GATD1: variants seen among roughly 807,000 people sequenced by gnomAD.
GATD1 encodes the protein glutamine amidotransferase class 1 domain containing 1.
A neutral mutation model predicts 25.9 loss-of-function variants in GATD1; 23 were observed. The observed-to-expected ratio is 0.89, with a 90% CI of 0.64 to 1.26. GATD1 has a LOEUF of 1.26. Among genes scored for constraint, GATD1 ranks in the 50% most tolerant of loss-of-function variants. The probability of loss-of-function intolerance (pLI) is 0.00; values close to 1 mark genes in which losing one functional copy is unlikely to be tolerated. For missense variants in GATD1, 347 were observed against 312.5 expected, an observed-to-expected ratio of 1.11 and a Z score of -0.83; for synonymous variants, 177 against 134.6, an observed-to-expected ratio of 1.31 and a Z score of -2.18.
In GATD1 at chr11:767,853, CTTT is replaced by C. The variant is rs534703953; in HGVS notation, c.*3041_*3043del. The stretch of plus-strand genomic sequence containing the variant: ...TAAGCCACTAGGTTTACAATATTTT[CTTT>C]TTTTTTTTTTTTGAGATGGAGTCTT... On this transcript the variant is annotated 3_prime_UTR_variant, in exon 8 of 8. Transcript: ENST00000319863. 16 of 144,428 alleles carry C rather than the reference CTTT, an allele frequency of 1.1e-4. No individual in the cohort carries two copies. Among genetic ancestry groups the C allele is most frequent in the Admixed American group, 2.8e-4 (4 of 14,368 alleles). 8.9% of individuals were successfully genotyped at this position (144,428 alleles called of 1,614,324 possible). A position where few individuals can be genotyped will look rare whatever the true frequency, so the allele number is the denominator to read the frequency against.
In GATD1 at chr11:770,715, C is replaced by T; in HGVS notation, c.*182G>A. The T allele has an allele frequency of 6.9e-7, 1 of 1,457,764 alleles. No homozygotes were observed. The highest frequency in any genetic ancestry group is 9.0e-7 in the Non-Finnish European group (1 of 1,111,208). 90.3% of individuals were successfully genotyped at this position (1,457,764 alleles called of 1,614,324 possible). A position where few individuals can be genotyped will look rare whatever the true frequency, so the allele number is the denominator to read the frequency against. On this transcript the variant is annotated 3_prime_UTR_variant, in exon 8 of 8. Coordinates refer to ENST00000319863, the MANE Select transcript of GATD1 (RefSeq NM_182612.4). ...CAGGAGGATGGGGGTTTGGACCCTC[C>T]AGGAGAGCCGACACCCCCTCAGAGC... is the stretch of plus-strand genomic sequence containing the variant.
At position 769,783 on chromosome 11, in the gene GATD1, G is replaced by A. The variant is rs1238645260; in HGVS notation, c.*1114C>T. 5.1e-6 allele frequency: 2 copies of A among 394,190 alleles called. No individual in the cohort carries two copies. Among genetic ancestry groups the A allele is most frequent in the Non-Finnish European group, 3.4e-6 (1 of 289,930 alleles). 24.4% of individuals were successfully genotyped at this position (394,190 alleles called of 1,614,324 possible). On this transcript the variant is annotated 3_prime_UTR_variant, in exon 8 of 8. Coordinates refer to ENST00000319863, the MANE Select transcript of GATD1 (RefSeq NM_182612.4). Reference sequence around the variant, plus strand: ...CACCACCATGCCAGGCTAACTTTTTGTATTTTTGTTTTTTAGTAGAGATGG... The same window carrying A: ...CACCACCATGCCAGGCTAACTTTTTATATTTTTGTTTTTTAGTAGAGATGG...
Position 770,538 on chromosome 11 carries a change from C to A in GATD1, c.*359G>T. On this transcript the variant is annotated 3_prime_UTR_variant, in exon 8 of 8. Coordinates refer to ENST00000319863, the MANE Select transcript of GATD1 (RefSeq NM_182612.4). ...AGCAGGGCAAACCCACACAGAGGAC[C>A]CCCGAGCCGACTCTGTCTAGTCAAC... The A allele has an allele frequency of 7.1e-7, 1 of 1,413,412 alleles. No homozygotes were observed. Among genetic ancestry groups the A allele is most frequent in the Non-Finnish European group, 9.2e-7 (1 of 1,085,768 alleles). The allele number at this position is 1,413,412 out of a possible 1,614,324, so 87.6% of individuals were successfully genotyped here. A position where few individuals can be genotyped will look rare whatever the true frequency, so the allele number is the denominator to read the frequency against.
At chr11:773,462 G>T in intron 4 of GATD1, 60 bp downstream of exon 4, 1 of 1,367,142 alleles carries the variant, frequency 7.3e-7, no homozygotes, top group Non-Finnish European at 1.0e-6. Flanking sequence ...GCTGGTGGGA[G>T]ACCCATTTCT....
chr11:774,230 C>T (rs1196130723), intron 2 of GATD1, 117 bp from the exon 3 acceptor site: 2 of 757,192 alleles, frequency 2.6e-6, no homozygotes, highest in East Asian at 2.7e-5. Context: ...GCACAAAGGC[C>T]CCCGACCACC....
Position 770,624 on chromosome 11 carries a change from A to G in GATD1, c.*273T>C, listed in dbSNP as rs1863343522. ...ACCCAGCCTGGAATTCCCGAGGACCACCTAGCAGCTAGCACAGCTCTCCAG... is the reference window on the plus strand; with the variant it reads ...ACCCAGCCTGGAATTCCCGAGGACCGCCTAGCAGCTAGCACAGCTCTCCAG... On this transcript the variant is annotated 3_prime_UTR_variant, in exon 8 of 8. Coordinates refer to ENST00000319863, the MANE Select transcript of GATD1 (RefSeq NM_182612.4). 17 of 1,415,424 alleles carry G rather than the reference A, an allele frequency of 1.2e-5. No homozygotes were observed. The highest frequency in any genetic ancestry group is 1.6e-5 in the Non-Finnish European group (17 of 1,088,392). 87.7% of individuals were successfully genotyped at this position (1,415,424 alleles called of 1,614,324 possible). A position where few individuals can be genotyped will look rare whatever the true frequency, so the allele number is the denominator to read the frequency against.
intron 1 of GATD1, 50 bp downstream of exon 1, chr11:777,349 G>A (rs2133665585): frequency 2.4e-6 from 3 of 1,247,106 alleles, no homozygotes; most frequent in South Asian, 2.5e-5. Flanking sequence ...GCCCCGGGCA[G>A]CCCCCTCGCG....
intron 1 of GATD1, among the ~76,000 whole-genome samples, chr11:776,278 G>A (rs1408857976): frequency 1.3e-5 from 2 of 152,144 alleles, no homozygotes; most frequent in Non-Finnish European, 2.9e-5. Flanking sequence ...ACTGCGCCCA[G>A]ACTCTTCATT....
At position 767,820 on chromosome 11, in the gene GATD1, G is replaced by T; in HGVS notation, c.*3077C>A. ...GCCTCCAAAACTGAAACTGATTTCT[G>T]TTGTTTATAAGCCACTAGGTTTACA... On this transcript the variant is annotated 3_prime_UTR_variant, in exon 8 of 8. Transcript: ENST00000319863. 5.9e-6 allele frequency: 1 copy of T among 168,148 alleles called. No homozygotes were observed. The highest frequency in any genetic ancestry group is 1.2e-5 in the Non-Finnish European group (1 of 80,556). The allele number at this position is 168,148 out of a possible 1,614,324, so 10.4% of individuals were successfully genotyped here. A position where few individuals can be genotyped will look rare whatever the true frequency, so the allele number is the denominator to read the frequency against.
At position 769,964 on chromosome 11, in the gene GATD1, C is replaced by T. The variant is rs922637362; in HGVS notation, c.*933G>A. 3 of 1,015,602 alleles carry T rather than the reference C, an allele frequency of 3.0e-6. No homozygotes were observed. The highest frequency in any genetic ancestry group is 3.4e-5 in the African/African-American group (2 of 58,398). The allele number at this position is 1,015,602 out of a possible 1,614,324, so 62.9% of individuals were successfully genotyped here. On this transcript the variant is annotated 3_prime_UTR_variant, in exon 8 of 8. Coordinates refer to ENST00000319863, the MANE Select transcript of GATD1 (RefSeq NM_182612.4). ...AAGGGGCCTCCTGGCAGGTCACTGG[C>T]ACCAGGAGCCACGCTGGTGCTTGGG...
chr11:775,663 C>T (rs142058748), intron 1 of GATD1, among the ~76,000 whole-genome samples: 1 of 152,192 alleles, frequency 6.6e-6, no homozygotes, highest in African/African-American at 2.4e-5. Context: ...TCCTGGCCCC[C>T]CCTCACCCCT....
chr11:767,394 C>T lies in GATD1; in HGVS notation c.*3503G>A, dbSNP rs756326150. ...CTGCCCTGGCAAAGAGAGAACTGTG[C>T]ACAGCGGGGAGGCTCTCCAAGCCAG... On this transcript the variant is annotated 3_prime_UTR_variant, in exon 8 of 8. Coordinates refer to ENST00000319863, the MANE Select transcript of GATD1 (RefSeq NM_182612.4). 2 of 1,533,230 alleles carry T rather than the reference C, an allele frequency of 1.3e-6. No individual in the cohort carries two copies. Among genetic ancestry groups the T allele is most frequent in the South Asian group, 1.2e-5 (1 of 83,650 alleles). The allele number at this position is 1,533,230 out of a possible 1,614,324, so 95.0% of individuals were successfully genotyped here.
rs1342844704 is a variant in GATD1, at chr11:771,314, G to A, written c.544+19C>T. ...CCACCCCATCTTCTGTAAGTGCAGG[G>A]GGCACCCTCGAGGCTCACCACTGAA... On this transcript the variant is annotated intron_variant, in intron 6 of 7. Coordinates refer to ENST00000319863, the MANE Select transcript of GATD1 (RefSeq NM_182612.4). The A allele has an allele frequency of 6.2e-7, 1 of 1,604,746 alleles. No individual in the cohort carries two copies. Among genetic ancestry groups the A allele is most frequent in the African/African-American group, 1.3e-5 (1 of 74,748 alleles).
At chr11:773,912 A>G in intron 3 of GATD1, 96 bp downstream of exon 3, 3 of 1,093,148 alleles carry the variant, frequency 2.7e-6, no homozygotes, top group Non-Finnish European at 4.0e-6. Flanking sequence ...TCAGGGGCTG[A>G]GCTAGGGAGC....
rs143506964 is a variant in GATD1, at chr11:772,403, G to A, written c.450+24C>T. ...GGGAGGACAGAGCAGGGAGCACAGC[G>A]TGCCTCGGCCTCCAGACACTCACCC... On this transcript the variant is annotated intron_variant, in intron 5 of 7. Coordinates refer to ENST00000319863, the MANE Select transcript of GATD1 (RefSeq NM_182612.4). 2.4e-5 allele frequency: 38 copies of A among 1,584,164 alleles called. No homozygotes were observed. The Middle Eastern group carries it at 5.0e-4, about 21-fold the overall frequency.
chr11:771,088 A>G lies in GATD1; in HGVS notation c.561T>C (p.Ala187=). The part of the protein sequence containing the change: ...GACFSASEPD[A]VHVVLDRHLV... ...GGTGGCGGTCCAGCACGACGTGGACAGCGTCAGGCTCGCTTGCTGGGGAGG... is the reference window on the plus strand; with the variant it reads ...GGTGGCGGTCCAGCACGACGTGGACGGCGTCAGGCTCGCTTGCTGGGGAGG... Residue 187 remains alanine, a synonymous_variant, in exon 7 of 8, where the codon GCT becomes GCC. Transcript: ENST00000319863. 6.2e-7 allele frequency: 1 copy of G among 1,605,492 alleles called. No individual in the cohort carries two copies. Among genetic ancestry groups the G allele is most frequent in the Non-Finnish European group, 8.5e-7 (1 of 1,177,332 alleles).
chr11:768,634 CA>C lies in GATD1; in HGVS notation c.*2262del, dbSNP rs1863193574. On this transcript the variant is annotated 3_prime_UTR_variant, in exon 8 of 8. Coordinates refer to ENST00000319863, the MANE Select transcript of GATD1 (RefSeq NM_182612.4). ...TGCCACTGTGTTCCAGCCTGGGCGA[CA>C]GAGTGAGACTCCATCCAAAAAATAA... 2 of 151,874 alleles carry C rather than the reference CA, an allele frequency of 1.3e-5. No individual in the cohort carries two copies. The highest frequency in any genetic ancestry group is 1.3e-4 in the Admixed American group (2 of 15,236). 9.4% of individuals were successfully genotyped at this position (151,874 alleles called of 1,614,324 possible).
chr11:769,763 CCAT>C lies in GATD1; in HGVS notation c.*1131_*1133del, dbSNP rs1249077703. The C allele has an allele frequency of 1.1e-5, 3 of 270,338 alleles. No homozygotes were observed. The highest frequency in any genetic ancestry group is 1.7e-5 in the Non-Finnish European group (3 of 176,236). The allele number at this position is 270,338 out of a possible 1,614,324, so 16.7% of individuals were successfully genotyped here. Reference sequence around the variant, plus strand: ...TAGCTGGGACTACACACACCCACCACCATGCCAGGCTAACTTTTTGTATTTTTG... The same window carrying C: ...TAGCTGGGACTACACACACCCACCACGCCAGGCTAACTTTTTGTATTTTTG... On this transcript the variant is annotated 3_prime_UTR_variant, in exon 8 of 8. Coordinates refer to ENST00000319863, the MANE Select transcript of GATD1 (RefSeq NM_182612.4).
Position 770,130 on chromosome 11 carries a change from C to T in GATD1, c.*767G>A, listed in dbSNP as rs768056214. ...CAGGGGGCAGCCCGCTGGAGGGCCA[C>T]AGCCCAGGCCAGGTGCCCAGCAGGC... is the stretch of plus-strand genomic sequence containing the variant. On this transcript the variant is annotated 3_prime_UTR_variant, in exon 8 of 8. Coordinates refer to ENST00000319863, the MANE Select transcript of GATD1 (RefSeq NM_182612.4). 1 of 1,233,200 alleles carries T rather than the reference C, an allele frequency of 8.1e-7. No homozygotes were observed. The highest frequency in any genetic ancestry group is 1.5e-5 in the African/African-American group (1 of 64,612). 76.4% of individuals were successfully genotyped at this position (1,233,200 alleles called of 1,614,324 possible).
Sources: allele counts gnomAD v4.1 joint callset (sites outside exome capture counted in the v4.1 genomes callset), GRCh38; gene constraint gnomAD v4.1.1; transcripts MANE v1.5; gene names NCBI Gene and HGNC (gene_info 2026-07-23, HGNC 2026-07-21).